The following TRPM3 variants were observed in gnomAD, a reference collection of about 807,000 sequenced individuals.
TRPM3 encodes transient receptor potential cation channel subfamily M member 3.
TRPM3 carries 77 observed loss-of-function variants against 181.2 expected under a neutral mutation model. The ratio of observed to expected loss-of-function variants is 0.42; its 90% CI spans 0.35 to 0.51. The LOEUF (loss-of-function observed/expected upper bound fraction) is 0.51, where lower values mean the gene tolerates loss of function less well. Among genes scored for constraint, TRPM3 ranks in the 20% least tolerant of loss-of-function variants. The pLI is 0.01. For synonymous variants in TRPM3, 745 were observed against 796.4 expected (o/e 0.94, Z 1.09); for missense variants, 1,759 against 2,196.7 (o/e 0.80, Z 3.98).
intron 5 of TRPM3, among the ~76,000 whole-genome samples, chr9:70,831,726 ACAGT>A (rs2093909636): frequency 6.6e-6 from 1 of 151,810 alleles, no homozygotes; most frequent in Non-Finnish European, 1.5e-5. Flanking sequence ...GTTGGTAAAT[ACAGT>A]AGTATGATGG....
intron 1 of TRPM3, among the ~76,000 whole-genome samples, chr9:71,017,212 T>G (rs1202607541): frequency 6.6e-6 from 1 of 152,062 alleles, no homozygotes; most frequent in African/African-American, 2.4e-5. Context: ...TTGCTCAGTT[T>G]TCTTATCTCT....
chr9:71,110,947 T>C (rs921145267), intron 1 of TRPM3, among the ~76,000 whole-genome samples: 1 of 152,208 alleles, frequency 6.6e-6, no homozygotes, highest in Admixed American at 6.5e-5. Flanking sequence ...TTCATTGAAA[T>C]GAAATGTATA....
At chr9:71,253,223 T>C (rs1212687169) in intron 1 of TRPM3, among the ~76,000 whole-genome samples, 2 of 152,224 alleles carry the variant, frequency 1.3e-5, no homozygotes, top group East Asian at 3.9e-4. Flanking sequence ...AAATGTTTGA[T>C]GGGTAAAGAA....
intron 1 of TRPM3, among the ~76,000 whole-genome samples, chr9:71,417,570 AT>A (rs2093655494): frequency 6.6e-6 from 1 of 152,040 alleles, no homozygotes; most frequent in Non-Finnish European, 1.5e-5. Context: ...ATATTATCTC[AT>A]AATCCTATTA....
chr9:70,748,006 ATAGT>A (rs2075480258), intron 8 of TRPM3, among the ~76,000 whole-genome samples: 2 of 152,194 alleles, frequency 1.3e-5, no homozygotes, highest in African/African-American at 4.8e-5. Context: ...ATAATTGATC[ATAGT>A]TAAACATTTA....
intron 9 of TRPM3, among the ~76,000 whole-genome samples, chr9:70,648,984 T>A (rs945966713): frequency 1.6e-4 from 25 of 151,948 alleles, no homozygotes; most frequent in African/African-American, 6.0e-4. Context: ...AAAACCAAAT[T>A]AGACAATGAG....
chr9:71,024,657 C>T (rs2097877323), intron 1 of TRPM3, among the ~76,000 whole-genome samples: 1 of 152,160 alleles, frequency 6.6e-6, no homozygotes, highest in Non-Finnish European at 1.5e-5. Flanking sequence ...ACATGAATCA[C>T]CTAGGGTTTT....
intron 1 of TRPM3, among the ~76,000 whole-genome samples, chr9:71,105,864 A>T (rs527492294): frequency 6.6e-6 from 1 of 152,276 alleles, no homozygotes; most frequent in South Asian, 2.1e-4. Flanking sequence ...GGTGGTAGTG[A>T]TTGTTGTGAT....
At position 71,440,368 on chromosome 9, in the gene TRPM3, T is replaced by C. The variant is rs1236880387; in HGVS notation, c.183+6285A>G. 2.6e-5 allele frequency among the ~76,000 whole-genome samples: 4 copies of C among 152,214 alleles called. No individual in the cohort carries two copies. In the East Asian group the frequency reaches 7.7e-4, roughly 29 times the overall value. ...TTTGCACTTGCTGTCATTGTTGTTA[T>C]TTCTTTTTCTCATCTAACTTGTCTC... On this transcript the variant is annotated intron_variant, in intron 1 of 24. Coordinates refer to the TRPM3 transcript ENST00000357533.
chr9:71,236,638 T>C (rs1337901818), intron 1 of TRPM3, among the ~76,000 whole-genome samples: 1 of 152,200 alleles, frequency 6.6e-6, no homozygotes, highest in Non-Finnish European at 1.5e-5. Context: ...CTCTGTTTAC[T>C]GTCCAAACTG....
intron 1 of TRPM3, among the ~76,000 whole-genome samples, chr9:71,301,018 C>T (rs80273325): frequency 1.1e-3 from 170 of 151,710 alleles, no homozygotes; most frequent in Admixed American, 2.8e-3. Flanking sequence ...CATTTCACCA[C>T]GCTCTCATTT....
chr9:70,825,764 C>T (rs1203029214), intron 6 of TRPM3: 1 of 152,378 alleles, frequency 6.6e-6, no homozygotes, highest in African/African-American at 2.4e-5. Context: ...TCTCCCATTT[C>T]TGAAGAAAGT....
intron 1 of TRPM3, among the ~76,000 whole-genome samples, chr9:71,259,194 T>G (rs867092725): frequency 6.6e-6 from 1 of 152,334 alleles, no homozygotes; most frequent in Middle Eastern, 3.4e-3. Context: ...GGTTTCCAGC[T>G]TCATCCATGT....
At chr9:71,294,575 A>G (rs964823649) in intron 1 of TRPM3, among the ~76,000 whole-genome samples, 5 of 148,514 alleles carry the variant, frequency 3.4e-5, no homozygotes, top group Middle Eastern at 3.2e-3. Context: ...GGTATTGTAT[A>G]GTAGAGTTGA....
chr9:70,650,871 C>T (rs1399338555), intron 9 of TRPM3, among the ~76,000 whole-genome samples: 3 of 152,128 alleles, frequency 2.0e-5, no homozygotes, highest in African/African-American at 7.2e-5. Context: ...TCTACTCTTA[C>T]CTGAATTTTG....
chr9:71,021,649 A>G (rs141810394), intron 1 of TRPM3, among the ~76,000 whole-genome samples: 1 of 152,214 alleles, frequency 6.6e-6, no homozygotes, highest in East Asian at 1.9e-4. Context: ...GTAAATGTTG[A>G]AAAGTTTCAC....
chr9:70,775,734 T>G (rs2081230084), intron 7 of TRPM3: 1 of 151,966 alleles, frequency 6.6e-6, no homozygotes, highest in Non-Finnish European at 1.5e-5. Context: ...TTACCTGACC[T>G]CAACCAGATT....
intron 1 of TRPM3, among the ~76,000 whole-genome samples, chr9:71,026,458 G>C (rs2056514348): frequency 6.6e-6 from 1 of 152,136 alleles, no homozygotes; most frequent in Non-Finnish European, 1.5e-5. Flanking sequence ...TCCCTCTGCT[G>C]CCTTTGCCTT....
At chr9:71,254,561 A>G (rs1254303634) in intron 1 of TRPM3, among the ~76,000 whole-genome samples, 2 of 152,232 alleles carry the variant, frequency 1.3e-5, no homozygotes, top group Non-Finnish European at 2.9e-5. Flanking sequence ...TCCACAATGT[A>G]TACATATTTT....
Sources: allele counts gnomAD v4.1 joint callset (sites outside exome capture counted in the v4.1 genomes callset), GRCh38; gene constraint gnomAD v4.1.1; transcripts MANE v1.5; gene names NCBI Gene and HGNC (gene_info 2026-07-23, HGNC 2026-07-21).